The following NKAIN2 variants were observed in gnomAD, a reference collection of about 807,000 sequenced individuals.
NKAIN2 encodes the protein sodium/potassium-transporting ATPase subunit beta-1-interacting protein 2.
Under a neutral mutation model 32.6 loss-of-function variants are expected in NKAIN2, and 14 were observed. The ratio of observed to expected loss-of-function variants is 0.43; its 90% CI spans 0.28 to 0.67. The LOEUF (loss-of-function observed/expected upper bound fraction) is 0.67. Among genes scored for constraint, NKAIN2 ranks in the 30% least tolerant of loss-of-function variants. The pLI, the probability that NKAIN2 is intolerant of heterozygous loss-of-function variation, is 0.17. For synonymous variants in NKAIN2, 80 were observed against 87.2 expected (o/e 0.92, Z 0.46); for missense variants, 198 against 258.3 (o/e 0.77, Z 1.60).
chr6:124,761,880 G>A (rs1295891540), intron 4 of NKAIN2, among the ~76,000 whole-genome samples: 1 of 152,066 alleles, frequency 6.6e-6, no homozygotes, highest in Non-Finnish European at 1.5e-5. Flanking sequence ...AACAGAAATA[G>A]GAAGGGGAAA....
At chr6:124,182,942 A>T (rs953951278) in intron 1 of NKAIN2, among the ~76,000 whole-genome samples, 5 of 152,152 alleles carry the variant, frequency 3.3e-5, no homozygotes, top group African/African-American at 1.2e-4. Flanking sequence ...ATGTATTAGA[A>T]CTAGCCCTAA....
chr6:124,147,954 T>C (rs1022611526), intron 1 of NKAIN2, among the ~76,000 whole-genome samples: 1 of 152,172 alleles, frequency 6.6e-6, no homozygotes, highest in Non-Finnish European at 1.5e-5. Flanking sequence ...TCCTCATCCC[T>C]GGTCATGGCT....
chr6:124,035,051 C>T (rs1332028220), intron 1 of NKAIN2, among the ~76,000 whole-genome samples: 2 of 151,742 alleles, frequency 1.3e-5, no homozygotes, highest in Non-Finnish European at 2.9e-5. Flanking sequence ...ACTACAAGTA[C>T]AAGAAAAAAT....
chr6:124,698,871 T>C (rs1774628392), intron 4 of NKAIN2, among the ~76,000 whole-genome samples: 1 of 152,204 alleles, frequency 6.6e-6, no homozygotes, highest in Admixed American at 6.5e-5. Context: ...CATAGTTTTG[T>C]CACTGCCAGT....
At chr6:124,596,280 G>A (rs1295034175) in intron 3 of NKAIN2, among the ~76,000 whole-genome samples, 3 of 152,128 alleles carry the variant, frequency 2.0e-5, no homozygotes, top group Admixed American at 1.3e-4. Flanking sequence ...TGTGAGGTGA[G>A]TACTGCCATG....
chr6:124,258,032 G>A (rs1006481344), intron 1 of NKAIN2, among the ~76,000 whole-genome samples: 3 of 151,612 alleles, frequency 2.0e-5, no homozygotes, highest in Non-Finnish European at 4.4e-5. Flanking sequence ...TCATTGCCTC[G>A]GCCTCCCAAA....
In NKAIN2 at chr6:124,805,937, G is replaced by C. The variant is rs547108077; in HGVS notation, c.536-12450G>C. ...AATGAAGCAAGAAGGGAAGTTTAGA[G>C]AAAAAAGAATAAAAAGAAACGAACA... On this transcript the variant is annotated intron_variant, in intron 5 of 6. Transcript: ENST00000368417. Among the ~76,000 whole-genome samples, 6 of 152,180 alleles carry C rather than the reference G, an allele frequency of 3.9e-5. No homozygotes were observed. The South Asian group carries it at 1.2e-3, about 32-fold the overall frequency.
intron 1 of NKAIN2, among the ~76,000 whole-genome samples, chr6:124,015,536 ATTTGATAG>A (rs1189143256): frequency 6.6e-6 from 1 of 152,166 alleles, no homozygotes; most frequent in African/African-American, 2.4e-5. Context: ...TTATTGGATC[ATTTGATAG>A]TTCATTAAAG....
At chr6:124,626,194 T>C (rs1437372313) in intron 3 of NKAIN2, among the ~76,000 whole-genome samples, 2 of 149,716 alleles carry the variant, frequency 1.3e-5, no homozygotes, top group African/African-American at 4.9e-5. Flanking sequence ...CTTGTATCAG[T>C]ATCTAAGGAG....
intron 1 of NKAIN2, among the ~76,000 whole-genome samples, chr6:124,080,827 A>G (rs1582603362): frequency 6.6e-6 from 1 of 152,146 alleles, no homozygotes; most frequent in East Asian, 1.9e-4. Context: ...TGTTTGAAAC[A>G]AACATCCTGG....
chr6:123,953,946 C>T (rs1171778729), intron 1 of NKAIN2, among the ~76,000 whole-genome samples: 4 of 152,220 alleles, frequency 2.6e-5, no homozygotes, highest in Non-Finnish European at 4.4e-5. Context: ...TTGTAGCCCA[C>T]TGCAGCAGCA....
At chr6:124,377,656 G>A (rs574673304) in intron 3 of NKAIN2, among the ~76,000 whole-genome samples, 3 of 152,058 alleles carry the variant, frequency 2.0e-5, no homozygotes, top group Non-Finnish European at 2.9e-5. Context: ...TGAGGCTGGA[G>A]GATTAGGCAG....
intron 2 of NKAIN2, among the ~76,000 whole-genome samples, chr6:124,312,196 A>G (rs1400267520): frequency 6.6e-6 from 1 of 152,168 alleles, no homozygotes; most frequent in Non-Finnish European, 1.5e-5. Flanking sequence ...ACTTTACACC[A>G]CAACAATCAG....
In NKAIN2 at chr6:124,825,456, G is replaced by A. The variant is rs901626328; in HGVS notation, c.*2227G>A. On this transcript the variant is annotated 3_prime_UTR_variant, in exon 7 of 7. Transcript: ENST00000368417. ...TACAGCTGTATCCTCCTCAAAATCC[G>A]GTGAAGAATGCTATTTTTCTAGGCT... The A allele has an allele frequency of 2.6e-5, 4 of 152,534 alleles. No homozygotes were observed. The highest frequency in any genetic ancestry group is 7.2e-5 in the African/African-American group (3 of 41,414). The allele number at this position is 152,534 out of a possible 1,614,324, so 9.4% of individuals were successfully genotyped here.
intron 1 of NKAIN2, among the ~76,000 whole-genome samples, chr6:123,865,179 A>G (rs1399995861): frequency 6.6e-6 from 1 of 152,150 alleles, no homozygotes. Context: ...TGACAAATTA[A>G]TATATAAAAA....
chr6:123,813,668 G>A (rs3861465), intron 1 of NKAIN2, among the ~76,000 whole-genome samples: 17,075 of 151,790 alleles, frequency 0.11, 1,675 homozygotes, highest in East Asian at 0.53. Context: ...AAAAATTAGC[G>A]GGGCATGGTG....
chr6:124,465,477 G>C (rs532238096), intron 3 of NKAIN2, among the ~76,000 whole-genome samples: 22 of 152,124 alleles, frequency 1.4e-4, no homozygotes, highest in Non-Finnish European at 1.6e-4. Context: ...ACTGGGGCCT[G>C]TCAGGGGGTG....
chr6:124,764,321 G>A (rs1036634351), intron 4 of NKAIN2, among the ~76,000 whole-genome samples: 1 of 152,036 alleles, frequency 6.6e-6, no homozygotes, highest in Non-Finnish European at 1.5e-5. Flanking sequence ...TTAAAATTAT[G>A]GGGGTTATCA....
chr6:124,544,712 T>C (rs528387773), intron 3 of NKAIN2, among the ~76,000 whole-genome samples: 9 of 152,136 alleles, frequency 5.9e-5, no homozygotes, highest in Non-Finnish European at 8.8e-5. Flanking sequence ...GTTCTGTCTG[T>C]TCAACATAAT....
Sources: gnomAD v4.1 joint callset for allele counts (sites outside exome capture counted in the v4.1 genomes callset) on GRCh38, gnomAD v4.1.1 for gene constraint, MANE v1.5 for transcripts, NCBI Gene and HGNC (gene_info 2026-07-23, HGNC 2026-07-21) for gene names.